Variants in HUNK observed in about 807,000 individuals in gnomAD.
The protein encoded by HUNK is hormonally up-regulated Neu-associated kinase.
Under a neutral mutation model 61.0 loss-of-function variants are expected in HUNK, and 21 were observed. The observed-to-expected ratio is 0.34, with a 90% CI of 0.24 to 0.50. The LOEUF is 0.50. HUNK is among the 20% of genes least tolerant of loss of function. HUNK has a pLI of 0.98. For synonymous variants in HUNK, 371 were observed against 386.1 expected (o/e 0.96, Z 0.46); for missense variants, 772 against 945.7 (o/e 0.82, Z 2.41).
intron 1 of HUNK, among the ~76,000 whole-genome samples, chr21:31,884,841 C>T (rs1186022409): frequency 1.3e-5 from 2 of 151,826 alleles, no homozygotes; most frequent in Non-Finnish European, 2.9e-5. Context: ...TGCAGTGGCA[C>T]CCTCTTGGCT....
chr21:31,912,242 C>A (rs2052551129), intron 1 of HUNK, among the ~76,000 whole-genome samples: 1 of 152,118 alleles, frequency 6.6e-6, no homozygotes, highest in Non-Finnish European at 1.5e-5. Flanking sequence ...GGACACTGGA[C>A]ACGCCAGGTT....
chr21:31,946,069 G>A lies in HUNK; in HGVS notation c.644G>A (p.Gly215Asp), dbSNP rs765737663. The change falls in exon 4 of 11, where the codon GGT becomes GAT. Residue 215 changes from glycine (G) to aspartate (D), a missense_variant. By Grantham distance (94) the Gly-to-Asp change is moderately conservative (BLOSUM62 -1). This residue lies in a region of HUNK where 359 missense variants were observed against 501.3 expected (regional missense o/e 0.72). Coordinates refer to ENST00000270112, the MANE Select transcript of HUNK (RefSeq NM_014586.2). ...TTGAGCAACTGCGCAGGGATCCTGG[G>A]TTACTCGGATCCGTTCAGCACACAG... ...FGLSNCAGIL[G>D]YSDPFSTQCG... 1.2e-6 allele frequency: 2 copies of A among 1,611,532 alleles called. No individual in the cohort carries two copies. Among genetic ancestry groups the A allele is most frequent in the Non-Finnish European group, 8.5e-7 (1 of 1,177,918 alleles).
At chr21:31,923,170 G>A (rs763977244) in intron 1 of HUNK, among the ~76,000 whole-genome samples, 20 of 152,168 alleles carry the variant, frequency 1.3e-4, no homozygotes, top group Non-Finnish European at 2.4e-4. Context: ...GGCAGCCGGC[G>A]TGGTGACTCA....
At chr21:31,914,110 GTAAGA>G in intron 1 of HUNK, among the ~76,000 whole-genome samples, 1 of 152,196 alleles carries the variant, frequency 6.6e-6, no homozygotes, top group East Asian at 1.9e-4. Context: ...AAGAGGAACT[GTAAGA>G]CCTGGCCCTA....
intron 9 of HUNK, among the ~76,000 whole-genome samples, chr21:31,994,418 A>G (rs1366801166): frequency 2.6e-5 from 4 of 152,346 alleles, no homozygotes; most frequent in Non-Finnish European, 1.5e-5. Context: ...AGGGCTGCAA[A>G]AGTGTAGAGA....
intron 1 of HUNK, among the ~76,000 whole-genome samples, chr21:31,910,127 G>A (rs1015781138): frequency 6.6e-6 from 1 of 152,162 alleles, no homozygotes. Context: ...TTTCATAAAG[G>A]TTCTGCTTTG....
intron 7 of HUNK, among the ~76,000 whole-genome samples, chr21:31,977,945 G>A (rs1042627754): frequency 6.6e-6 from 1 of 152,206 alleles, no homozygotes; most frequent in Admixed American, 6.5e-5. Context: ...CAGTCCGCCC[G>A]CCTAGGCCTC....
At chr21:31,954,419 C>T (rs1278643722) in intron 4 of HUNK, among the ~76,000 whole-genome samples, 2 of 152,210 alleles carry the variant, frequency 1.3e-5, no homozygotes, top group South Asian at 2.1e-4. Context: ...CCAAATCAAA[C>T]TCCTTTTATT....
Position 31,885,034 on chromosome 21 carries a change from TC to T in HUNK, c.261+11102del, listed in dbSNP as rs1419581274. On this transcript the variant is annotated intron_variant, in intron 1 of 10. Coordinates refer to ENST00000270112, the MANE Select transcript of HUNK (RefSeq NM_014586.2). ...CTGAGGTGATCCACCCGCCTCAGCC[TC>T]CCAAAGTGCTGGGATTACAGGCACG... Among the ~76,000 whole-genome samples, 12 of 152,112 alleles carry T rather than the reference TC, an allele frequency of 7.9e-5. No homozygotes were observed. The South Asian group carries it at 1.2e-3, about 16-fold the overall frequency.
chr21:31,946,308 C>T (rs1005928059), intron 4 of HUNK, 137 bp downstream of exon 4: 43 of 861,134 alleles, frequency 5.0e-5, no homozygotes, highest in Non-Finnish European at 6.3e-5. Context: ...TTCTTTGGGG[C>T]CTGGCTTTCC....
intron 1 of HUNK, among the ~76,000 whole-genome samples, chr21:31,893,985 T>C (rs1335179728): frequency 6.6e-6 from 1 of 152,194 alleles, no homozygotes; most frequent in East Asian, 1.9e-4. Flanking sequence ...ATTGCCAAAA[T>C]CTCTGGGTTT....
chr21:31,983,091 C>T (rs2053109149), intron 7 of HUNK, among the ~76,000 whole-genome samples: 1 of 152,250 alleles, frequency 6.6e-6, no homozygotes, highest in Non-Finnish European at 1.5e-5. Context: ...GTATGAGCCA[C>T]TGCACCCAGC....
chr21:31,928,830 A>T (rs113790325), intron 2 of HUNK, among the ~76,000 whole-genome samples: 5 of 152,206 alleles, frequency 3.3e-5, no homozygotes, highest in African/African-American at 1.2e-4. Flanking sequence ...TCTCATAAAG[A>T]ATTTTCTCCT....
chr21:31,967,268 C>T (rs1410302431), intron 5 of HUNK, among the ~76,000 whole-genome samples: 1 of 152,084 alleles, frequency 6.6e-6, no homozygotes, highest in East Asian at 1.9e-4. Flanking sequence ...GGAAGGTCAC[C>T]TGAGCCAGAG....
chr21:31,972,019 T>C (rs770805510), intron 6 of HUNK, among the ~76,000 whole-genome samples: 1 of 151,890 alleles, frequency 6.6e-6, no homozygotes, highest in Non-Finnish European at 1.5e-5. Flanking sequence ...GTTGTAGAGA[T>C]GGGGGTTTTT....
At chr21:31,955,508 G>A (rs1035032139) in intron 4 of HUNK, among the ~76,000 whole-genome samples, 8 of 151,834 alleles carry the variant, frequency 5.3e-5, no homozygotes, top group African/African-American at 1.5e-4. Context: ...GGAGAATGGC[G>A]TGAACCCGGG....
chr21:31,952,751 C>G (rs1392913646), intron 4 of HUNK, among the ~76,000 whole-genome samples: 1 of 122,520 alleles, frequency 8.2e-6, no homozygotes, highest in East Asian at 2.8e-4. Context: ...GTCTGCCTTT[C>G]TTCCTCTTTT....
intron 8 of HUNK, among the ~76,000 whole-genome samples, chr21:31,988,439 T>C (rs1568942414): frequency 6.6e-6 from 1 of 152,090 alleles, no homozygotes; most frequent in Non-Finnish European, 1.5e-5. Context: ...ACGGAGAGGG[T>C]GGCAGGGAAC....
intron 3 of HUNK, among the ~76,000 whole-genome samples, chr21:31,941,608 A>T (rs961281473): frequency 6.6e-6 from 1 of 151,900 alleles, no homozygotes; most frequent in Non-Finnish European, 1.5e-5. Context: ...TGCCTGGCTG[A>T]TTTTCTTTTT....
Sources: allele counts gnomAD v4.1 joint callset (sites outside exome capture counted in the v4.1 genomes callset), GRCh38; gene constraint gnomAD v4.1.1; regional missense constraint gnomAD v4.1.1; transcripts MANE v1.5; gene names NCBI Gene and HGNC (gene_info 2026-07-23, HGNC 2026-07-21).